LRRC8A: variants seen among roughly 807,000 people sequenced by gnomAD.
LRRC8A encodes the protein volume-regulated anion channel subunit LRRC8A.
LRRC8A carries 24 observed loss-of-function variants against 52.5 expected under a neutral mutation model. That is an observed-to-expected ratio of 0.46 (90% confidence interval 0.33 to 0.64). The LOEUF is 0.64. Ranked by LOEUF, LRRC8A falls within the 30% of genes least tolerant of loss-of-function variation. The probability of loss-of-function intolerance (pLI) is 0.02; values close to 1 mark genes in which losing one functional copy is unlikely to be tolerated. For missense variants in LRRC8A, 677 were observed against 1,094.7 expected (o/e 0.62, Z 5.38); for synonymous variants, 492 against 494.2 (o/e 1.00, Z 0.06).
At chr9:128,910,813 G>T (rs768159868) in intron 3 of LRRC8A, among the ~76,000 whole-genome samples, 5 of 152,208 alleles carry the variant, frequency 3.3e-5, no homozygotes, top group Non-Finnish European at 7.3e-5. Flanking sequence ...TATAAAAAGC[G>T]TGCAGCTCAT....
chr9:128,882,477 CT>C (rs1375864678), intron 1 of LRRC8A: 1 of 381,058 alleles, frequency 2.6e-6, no homozygotes, highest in African/African-American at 2.1e-5. Context: ...CGCGAGCCCC[CT>C]CCCAGGCACC....
In LRRC8A at chr9:128,909,187, G is replaced by T; in HGVS notation, c.2023G>T (p.Glu675Ter). Residue 675 changes from glutamate to a stop codon, truncating the protein, a stop_gained, in exon 3 of 4, where the codon GAG (glutamate) becomes TAG (stop). Coordinates refer to ENST00000372600, the MANE Select transcript of LRRC8A (RefSeq NM_019594.4). LOFTEE classifies it high-confidence loss of function. The part of the protein sequence containing the change: ...ERLYLNRNKI[E>*]KIPTQLFYCR... ...CCTCTACCTGAACCGCAACAAGATCGAGAAGATCCCCACCCAGCTCTTCTA... is the reference window on the plus strand; with the variant it reads ...CCTCTACCTGAACCGCAACAAGATCTAGAAGATCCCCACCCAGCTCTTCTA... The T allele has an allele frequency of 6.2e-7, 1 of 1,614,106 alleles. No homozygotes were observed. The highest frequency in any genetic ancestry group is 1.3e-5 in the African/African-American group (1 of 75,046).
chr9:128,888,919 C>T (rs559660505), intron 2 of LRRC8A, among the ~76,000 whole-genome samples: 1 of 152,214 alleles, frequency 6.6e-6, no homozygotes, highest in African/African-American at 2.4e-5. Flanking sequence ...TGCAGTAGCA[C>T]CTTCATAGTC....
At chr9:128,912,524 AG>A (rs1840600156) in intron 3 of LRRC8A, among the ~76,000 whole-genome samples, 1 of 118,802 alleles carries the variant, frequency 8.4e-6, no homozygotes, top group African/African-American at 3.2e-5. Flanking sequence ...TGTGGATGGC[AG>A]GGGGGTCCTG....
chr9:128,884,845 C>A (rs1412036559), intron 1 of LRRC8A: 2 of 152,170 alleles, frequency 1.3e-5, no homozygotes, highest in African/African-American at 4.8e-5. Context: ...TCACCACCAC[C>A]CCGTATGGAA....
In LRRC8A at chr9:128,902,966, C is replaced by G. The variant is rs1840085043; in HGVS notation, c.-8-4191C>G. Among the ~76,000 whole-genome samples the G allele has an allele frequency of 6.6e-6, 1 of 152,218 alleles. No individual in the cohort carries two copies. Among genetic ancestry groups the G allele is most frequent in the African/African-American group, 2.4e-5 (1 of 41,450 alleles). ...GGGCGGGGAAGCTGCACTCCCAGTC[C>G]TGTTTCTCTTGGCACCGCCTGGGTG... is the stretch of plus-strand genomic sequence containing the variant. On this transcript the variant is annotated intron_variant, in intron 2 of 3. Coordinates refer to ENST00000372600, the MANE Select transcript of LRRC8A (RefSeq NM_019594.4). The surrounding 1 kb of genome is among the most constrained non-coding windows in gnomAD (Gnocchi z 4.1).
rs1840899604 is a variant in LRRC8A at position 128,917,991 on chromosome 9, C to G, written c.*1620C>G. 3 of 152,668 alleles carry G rather than the reference C, an allele frequency of 2.0e-5. No homozygotes were observed. The highest frequency in any genetic ancestry group is 7.2e-5 in the African/African-American group (3 of 41,470). 9.5% of individuals were successfully genotyped at this position (152,668 alleles called of 1,614,324 possible). A position where few individuals can be genotyped will look rare whatever the true frequency, so the allele number is the denominator to read the frequency against. On this transcript the variant is annotated 3_prime_UTR_variant, in exon 4 of 4. Coordinates refer to ENST00000372600, the MANE Select transcript of LRRC8A (RefSeq NM_019594.4). ...AAGCAAAAATCCGTTACATGTGGGTCTGAACTTGTAGACTCGGTCACAGTA... is the reference window on the plus strand; with the variant it reads ...AAGCAAAAATCCGTTACATGTGGGTGTGAACTTGTAGACTCGGTCACAGTA...
intron 2 of LRRC8A, among the ~76,000 whole-genome samples, chr9:128,893,656 A>G (rs1449454255): frequency 6.6e-6 from 1 of 152,138 alleles, no homozygotes; most frequent in East Asian, 1.9e-4. Flanking sequence ...GATGGCAGCT[A>G]CGCATAAATT....
chr9:128,913,157 C>T lies in LRRC8A; in HGVS notation c.2158-2939C>T, dbSNP rs528092264. On this transcript the variant is annotated intron_variant, in intron 3 of 3. Coordinates refer to ENST00000372600, the MANE Select transcript of LRRC8A (RefSeq NM_019594.4). ...GAGGGCGAGGCCAGAGCGTGGGGCA[C>T]ATGGGGCCTGGGGAGTTGGCTGGAT... Among the ~76,000 whole-genome samples, 379 of 152,202 alleles carry T rather than the reference C, an allele frequency of 2.5e-3. 2 individuals are homozygous for T. Among genetic ancestry groups the T allele is most frequent in the Non-Finnish European group, 4.7e-3 (320 of 68,002 alleles).
chr9:128,913,008 G>A (rs2131052290), intron 3 of LRRC8A, among the ~76,000 whole-genome samples: 1 of 152,236 alleles, frequency 6.6e-6, no homozygotes, highest in Admixed American at 6.5e-5. Flanking sequence ...GATGTCCAAG[G>A]GACCATCTTG....
Position 128,908,592 on chromosome 9 carries a change from C to G in LRRC8A, c.1428C>G (p.Leu476=), listed in dbSNP as rs139819304. Residue 476 remains leucine (L), a synonymous_variant, in exon 3 of 4, where the codon CTC becomes CTG. Transcript: ENST00000372600. ...TCACGGGCCTCAAGGAGCTGTGGCT[C>G]TACCACACAGCGGCCAAGATTGAAG... ...AQLTGLKELW[L]YHTAAKIEAP... The G allele has an allele frequency of 6.2e-7, 1 of 1,612,754 alleles. No homozygotes were observed.
intron 3 of LRRC8A, among the ~76,000 whole-genome samples, chr9:128,915,759 G>A (rs1232190125): frequency 6.6e-6 from 1 of 152,204 alleles, no homozygotes; most frequent in African/African-American, 2.4e-5. Context: ...TACTTCCCAG[G>A]GCCAGGTGCT....
At chr9:128,915,585 A>G (rs1241704524) in intron 3 of LRRC8A, among the ~76,000 whole-genome samples, 1 of 152,184 alleles carries the variant, frequency 6.6e-6, no homozygotes, top group East Asian at 1.9e-4. Context: ...TCAGCCTCCC[A>G]AAGTGCTGGG....
intron 2 of LRRC8A, among the ~76,000 whole-genome samples, chr9:128,896,799 G>A (rs1234164254): frequency 6.6e-6 from 1 of 151,958 alleles, no homozygotes; most frequent in East Asian, 1.9e-4. Context: ...TCTGCTCACC[G>A]CAACCTCCGC....
chr9:128,907,827 G>A lies in LRRC8A; in HGVS notation c.663G>A (p.Gln221=). 1 of 1,614,084 alleles carries A rather than the reference G, an allele frequency of 6.2e-7. No individual in the cohort carries two copies. ...MLQRTKSRIE[Q]GIVDRSETGV... is the part of the protein sequence containing the mutation. ...AGCGGACCAAGTCACGGATCGAGCA[G>A]GGTATCGTGGACCGCTCAGAGACGG... is the stretch of plus-strand genomic sequence containing the variant. The change falls in exon 3 of 4, where the codon CAG becomes CAA. Residue 221 remains glutamine (Q), a synonymous_variant. Coordinates refer to ENST00000372600, the MANE Select transcript of LRRC8A (RefSeq NM_019594.4). This position sits in a 1 kb window ranked among gnomAD's most constrained non-coding sequence, Gnocchi z 9.3.
At chr9:128,882,541 T>G in intron 1 of LRRC8A, 1 of 392,456 alleles carries the variant, frequency 2.5e-6, no homozygotes, top group Non-Finnish European at 4.5e-6. Flanking sequence ...GGCTCCCCCA[T>G]GTCCCCTTGT....
At chr9:128,885,326 C>G (rs1839349393) in intron 1 of LRRC8A, 1 of 152,290 alleles carries the variant, frequency 6.6e-6, no homozygotes, top group African/African-American at 2.4e-5. Flanking sequence ...CCCTCTCTGG[C>G]TCTGGATCTC....
intron 2 of LRRC8A, among the ~76,000 whole-genome samples, chr9:128,906,589 C>T (rs567010410): frequency 6.6e-6 from 1 of 152,278 alleles, no homozygotes. Context: ...TCCCAAAGTG[C>T]TGGGATTACA....
chr9:128,890,952 C>T (rs768402459), intron 2 of LRRC8A, among the ~76,000 whole-genome samples: 2 of 151,740 alleles, frequency 1.3e-5, no homozygotes, highest in Non-Finnish European at 2.9e-5. Flanking sequence ...GAGTTCCAGA[C>T]CAGCCTGGGC....
Sources: allele counts gnomAD v4.1 joint callset (sites outside exome capture counted in the v4.1 genomes callset), GRCh38; gene constraint gnomAD v4.1.1; non-coding constraint Gnocchi (gnomAD v3.1); transcripts MANE v1.5; gene names NCBI Gene and HGNC (gene_info 2026-07-23, HGNC 2026-07-21).